Variants in PIGS observed in about 807,000 individuals in gnomAD.
PIGS encodes the protein phosphatidylinositol glycan anchor biosynthesis class S, also known as GPI-anchor transamidase component PIGS.
In PIGS, 37 loss-of-function variants were observed where a neutral mutation model predicts 58.2. That is an observed-to-expected ratio of 0.64 (90% confidence interval 0.49 to 0.84). PIGS has a LOEUF of 0.84. Among genes scored for constraint, PIGS ranks in the 40% least tolerant of loss-of-function variants. PIGS has a pLI of 0.00. For synonymous variants in PIGS, 269 were observed against 289.2 expected (o/e 0.93, Z 0.71); for missense variants, 629 against 710.8 (o/e 0.88, Z 1.31).
intron 8 of PIGS, among the ~76,000 whole-genome samples, chr17:28,557,656 C>T (rs1222196214): frequency 6.6e-6 from 1 of 152,210 alleles, no homozygotes; most frequent in East Asian, 1.9e-4. Context: ...CCTTGGGCCA[C>T]ACTAGCCTGC....
intron 8 of PIGS, chr17:28,557,595 A>C (rs1274365433): frequency 6.6e-6 from 1 of 152,364 alleles, no homozygotes; most frequent in Non-Finnish European, 1.5e-5. Context: ...TGCTGAATGA[A>C]TAAATGAACG....
At chr17:28,566,450 C>T (rs1597586944) in intron 3 of PIGS, among the ~76,000 whole-genome samples, 1 of 151,830 alleles carries the variant, frequency 6.6e-6, no homozygotes. Context: ...GCCACCACAC[C>T]CAGCTAATTT....
chr17:28,565,534 C>T (rs975713629), intron 3 of PIGS, among the ~76,000 whole-genome samples: 7 of 152,114 alleles, frequency 4.6e-5, no homozygotes, highest in Non-Finnish European at 4.4e-5. Flanking sequence ...TTCCTCTTTT[C>T]TTTATAAAAG....
Position 28,553,831 on chromosome 17 carries a change from A to C in PIGS, c.*389T>G, listed in dbSNP as rs2070306282. 1 of 245,794 alleles carries C rather than the reference A, an allele frequency of 4.1e-6. No individual in the cohort carries two copies. Among genetic ancestry groups the C allele is most frequent in the East Asian group, 1.1e-4 (1 of 9,042 alleles). 15.2% of individuals were successfully genotyped at this position (245,794 alleles called of 1,614,324 possible). On this transcript the variant is annotated 3_prime_UTR_variant, in exon 12 of 12. Transcript: ENST00000308360. ...CAGGGGCTAGGGCTGTCCCACAGGG[A>C]CTAGAGAGAGGTGTGGAAGGCAGGG...
chr17:28,560,174 TGAAGGTGATCTCATAGCCTACA>T lies in PIGS; in HGVS notation c.677-5_693del. 1 of 1,611,904 alleles carries T rather than the reference TGAAGGTGATCTCATAGCCTACA, an allele frequency of 6.2e-7. No individual in the cohort carries two copies. The highest frequency in any genetic ancestry group is 1.3e-5 in the African/African-American group (1 of 74,888). On this transcript the variant is annotated splice_acceptor_variant and splice_polypyrimidine_tract_variant and coding_sequence_variant and intron_variant, in exon 7 of 12. Transcript: ENST00000308360. LOFTEE classifies it high-confidence loss of function. ...GACTTGGGGTCTGGGTTGAGTAAAC[TGAAGGTGATCTCATAGCCTACA>T]GAAACAGGAGTCAGGGAAGTCAGAG...
At chr17:28,564,374 C>T (rs1023811458) in intron 3 of PIGS, among the ~76,000 whole-genome samples, 2 of 152,028 alleles carry the variant, frequency 1.3e-5, no homozygotes, top group Non-Finnish European at 2.9e-5. Context: ...TGGAGATTAG[C>T]CTGGACAACA....
chr17:28,561,026 G>A (rs566744426), intron 6 of PIGS, among the ~76,000 whole-genome samples: 10 of 152,176 alleles, frequency 6.6e-5, no homozygotes, highest in African/African-American at 2.2e-4. Flanking sequence ...GGGAAGCCGA[G>A]GCGGGCAGAT....
In PIGS at chr17:28,554,933, G is replaced by A; in HGVS notation, c.1310C>T (p.Thr437Ile). ...CAGGGAGGTAAGGGTGGTGGTGGCT[G>A]TGGCCAGGTTCTCCACTGACCGAGC... is the stretch of plus-strand genomic sequence containing the variant. ...LWARSVENLA[T>I]ATTTLTSLAQ... The change falls in exon 11 of 12, where the codon ACA becomes ATA. Residue 437 changes from threonine (T) to isoleucine (I), a missense_variant. Thr to Ile is a moderately conservative substitution (Grantham distance 89). Transcript: ENST00000308360. The A allele has an allele frequency of 6.2e-7, 1 of 1,613,844 alleles. No homozygotes were observed. The highest frequency in any genetic ancestry group is 8.5e-7 in the Non-Finnish European group (1 of 1,179,850).
intron 2 of PIGS, 28 bp downstream of exon 2, chr17:28,571,021 C>A: frequency 6.2e-7 from 1 of 1,614,140 alleles, no homozygotes; most frequent in Non-Finnish European, 8.5e-7. Context: ...GGGGGCTGTC[C>A]CCCGACCCTC....
In PIGS at chr17:28,570,137, T is replaced by C. The variant is rs117463623; in HGVS notation, c.286+715A>G. Among the ~76,000 whole-genome samples, 536 of 152,346 alleles carry C rather than the reference T, an allele frequency of 3.5e-3. 2 individuals are homozygous for C. The highest frequency in any genetic ancestry group is 5.7e-3 in the Non-Finnish European group (389 of 68,022). On this transcript the variant is annotated intron_variant, in intron 3 of 11. Coordinates refer to ENST00000308360, the MANE Select transcript of PIGS (RefSeq NM_033198.4). Reference sequence around the variant, plus strand: ...TCTTTCTCCCCTACCTATGAACATCTTGAAACCATTATCAATTTCTTATTC... The same window carrying C: ...TCTTTCTCCCCTACCTATGAACATCCTGAAACCATTATCAATTTCTTATTC...
chr17:28,560,693 G>A (rs902049903), intron 6 of PIGS, among the ~76,000 whole-genome samples: 14 of 152,120 alleles, frequency 9.2e-5, no homozygotes, highest in Admixed American at 2.0e-4. Flanking sequence ...CAGGGGAATC[G>A]CTTGAACCTG....
chr17:28,560,388 A>G, intron 6 of PIGS, 197 bp from the exon 7 acceptor site: 2 of 589,212 alleles, frequency 3.4e-6, no homozygotes, highest in Non-Finnish European at 5.7e-6. Context: ...TCATGTCTGT[A>G]ATCCCAGCAC....
At chr17:28,555,475 C>A in intron 10 of PIGS, 1 of 196,936 alleles carries the variant, frequency 5.1e-6, no homozygotes, top group Non-Finnish European at 1.0e-5. Context: ...CTTCTCTAAG[C>A]CTGCATCCGT....
chr17:28,557,015 C>T (rs1317285338), intron 8 of PIGS, 43 bp from the exon 9 acceptor site: 2 of 1,611,790 alleles, frequency 1.2e-6, no homozygotes, highest in Non-Finnish European at 8.5e-7. Flanking sequence ...CATGCTGGAC[C>T]TGGACCTTAG....
chr17:28,567,229 C>A (rs2070399698), intron 3 of PIGS, among the ~76,000 whole-genome samples: 1 of 152,100 alleles, frequency 6.6e-6, no homozygotes, highest in African/African-American at 2.4e-5. Context: ...GGATACAACA[C>A]AATAGGAAGT....
intron 3 of PIGS, among the ~76,000 whole-genome samples, chr17:28,564,529 C>T (rs553764585): frequency 3.9e-5 from 6 of 152,216 alleles, no homozygotes; most frequent in South Asian, 2.1e-4. Flanking sequence ...GCCTGGCCAA[C>T]GTGATGAAAC....
chr17:28,563,913 A>T lies in PIGS; in HGVS notation c.287-6T>A. On this transcript the variant is annotated splice_region_variant and splice_polypyrimidine_tract_variant and intron_variant, in intron 3 of 11. Transcript: ENST00000308360. ...GCATTTGATTTTCATTTTGTCTGGG[A>T]GGGATAAGAAGTAGCACAATGAAAA... is the stretch of plus-strand genomic sequence containing the variant. 6.2e-7 allele frequency: 1 copy of T among 1,610,730 alleles called. No individual in the cohort carries two copies.
At chr17:28,554,556 G>A (rs1387458110) in intron 11 of PIGS, 61 bp from the exon 12 acceptor site, 2 of 1,556,166 alleles carry the variant, frequency 1.3e-6, no homozygotes, top group African/African-American at 1.4e-5. Flanking sequence ...TGGAAAGGGT[G>A]CTGGGCCTTA....
intron 5 of PIGS, among the ~76,000 whole-genome samples, chr17:28,562,723 C>T (rs550668105): frequency 7.7e-5 from 11 of 143,534 alleles, no homozygotes; most frequent in African/African-American, 2.9e-4. Flanking sequence ...CATGTGCCAC[C>T]GCACCCGGCC....
Sources: gnomAD v4.1 joint callset for allele counts (sites outside exome capture counted in the v4.1 genomes callset) on GRCh38, gnomAD v4.1.1 for gene constraint, MANE v1.5 for transcripts, NCBI Gene and HGNC (gene_info 2026-07-23, HGNC 2026-07-21) for gene names.